DOCK2: variants seen among roughly 807,000 people sequenced by gnomAD.
The protein encoded by DOCK2 is dedicator of cytokinesis protein 2.
Under a neutral mutation model 248.9 loss-of-function variants are expected in DOCK2, and 87 were observed. The ratio of observed to expected loss-of-function variants is 0.35; its 90% CI spans 0.29 to 0.42. The LOEUF (loss-of-function observed/expected upper bound fraction) is 0.42. Among genes scored for constraint, DOCK2 ranks in the 10% least tolerant of loss-of-function variants. The pLI is 1.00. For missense variants in DOCK2, 1,747 were observed against 2,300.2 expected (o/e 0.76, Z 4.92); for synonymous variants, 805 against 821.6 (o/e 0.98, Z 0.35).
At chr5:169,710,121 A>G (rs893035970) in intron 15 of DOCK2, among the ~76,000 whole-genome samples, 7 of 152,202 alleles carry the variant, frequency 4.6e-5, no homozygotes, top group African/African-American at 1.7e-4. Context: ...AGGGACATAG[A>G]GTGACAGAAA....
rs763506803 is a variant in DOCK2, at chr5:169,670,583, A to T, written c.210A>T (p.Thr70=). Residue 70 remains threonine, a synonymous_variant, in exon 4 of 52, where the codon ACA becomes ACT. Coordinates refer to ENST00000520908, the MANE Select transcript of DOCK2 (RefSeq NM_004946.3). ...CATTTATCCACATCAAGGAAGTGAC[A>T]GTTGAGAAAAGAAGGTATTTGCCAT... ...PKSFIHIKEV[T]VEKRRNTENI... The T allele has an allele frequency of 1.2e-6, 2 of 1,613,978 alleles. No individual in the cohort carries two copies. Among genetic ancestry groups the T allele is most frequent in the East Asian group, 2.2e-5 (1 of 44,900 alleles).
At position 169,882,985 on chromosome 5, in the gene DOCK2, G is replaced by T. The variant is rs375307639; in HGVS notation, c.2799+42133G>T. 6,106 of 1,551,724 alleles carry T rather than the reference G, an allele frequency of 3.9e-3. 291 individuals carry two copies. The South Asian group carries it at 0.068, about 17-fold the overall frequency. ...TGAGGGGGAACTGTGAGTCCGTGGA[G>T]ATGAAGGAACACACGTTTCCTTTGA... On this transcript the variant is annotated intron_variant, in intron 27 of 51. Coordinates refer to ENST00000520908, the MANE Select transcript of DOCK2 (RefSeq NM_004946.3).
Position 169,695,896 on chromosome 5 carries a change from A to G in DOCK2, c.937A>G (p.Lys313Glu), listed in dbSNP as rs1003997383. 1 of 1,613,752 alleles carries G rather than the reference A, an allele frequency of 6.2e-7. No homozygotes were observed. Among genetic ancestry groups the G allele is most frequent in the Non-Finnish European group, 8.5e-7 (1 of 1,179,908 alleles). The change falls in exon 10 of 52, where the codon AAG (lysine) becomes GAG (glutamate). Residue 313 changes from lysine to glutamate, a missense_variant. Lys to Glu is a moderately conservative substitution (Grantham distance 56). This residue lies in a region of DOCK2 where 375 missense variants were observed against 510.9 expected (regional missense o/e 0.73). Coordinates refer to ENST00000520908, the MANE Select transcript of DOCK2 (RefSeq NM_004946.3). ...GATGGATCTTAAGGATACTGGTGCA[A>G]AGAAGTGCACGCAGGGACTGAGGAG... ...GKMDLKDTGA[K>E]KCTQGLRRPF...
chr5:169,789,576 T>C (rs28689611), intron 25 of DOCK2, among the ~76,000 whole-genome samples: 22,288 of 152,186 alleles, frequency 0.15, 2,486 homozygotes, highest in African/African-American at 0.31. Context: ...CTTTATTTCC[T>C]CCCATCTCAT....
At chr5:169,917,086 T>C (rs765271562) in intron 27 of DOCK2, among the ~76,000 whole-genome samples, 3 of 151,938 alleles carry the variant, frequency 2.0e-5, no homozygotes, top group Non-Finnish European at 4.4e-5. Flanking sequence ...GTCAGTGGAG[T>C]TGACGTATGA....
intron 29 of DOCK2, among the ~76,000 whole-genome samples, chr5:169,994,649 G>A (rs1778291121): frequency 6.6e-6 from 1 of 152,182 alleles, no homozygotes; most frequent in African/African-American, 2.4e-5. Flanking sequence ...GAGATGAGAA[G>A]GCAAGGGACA....
At chr5:169,967,496 G>C (rs1310452342) in intron 27 of DOCK2, among the ~76,000 whole-genome samples, 1 of 152,142 alleles carries the variant, frequency 6.6e-6, no homozygotes, top group Non-Finnish European at 1.5e-5. Flanking sequence ...AGTTTAAAGG[G>C]AAGAGTAGGA....
At chr5:169,931,894 C>A (rs923868528) in intron 27 of DOCK2, among the ~76,000 whole-genome samples, 3 of 152,192 alleles carry the variant, frequency 2.0e-5, no homozygotes, top group African/African-American at 7.2e-5. Flanking sequence ...CCTCTTTCTT[C>A]ACTGTGGGTC....
At chr5:169,637,668 G>A (rs1756903169) in intron 1 of DOCK2, among the ~76,000 whole-genome samples, 1 of 152,134 alleles carries the variant, frequency 6.6e-6, no homozygotes, top group Non-Finnish European at 1.5e-5. Flanking sequence ...CGCCAAACTC[G>A]GCGTCCCCAG....
intron 1 of DOCK2, among the ~76,000 whole-genome samples, chr5:169,641,480 A>G (rs1057508975): frequency 6.6e-6 from 1 of 152,218 alleles, no homozygotes; most frequent in African/African-American, 2.4e-5. Flanking sequence ...TGTCATTTGC[A>G]CATGGATTTT....
At chr5:169,685,363 G>A (rs946321741) in intron 8 of DOCK2, among the ~76,000 whole-genome samples, 3 of 152,142 alleles carry the variant, frequency 2.0e-5, no homozygotes, top group East Asian at 1.9e-4. Flanking sequence ...CTGCTCCTCC[G>A]GCTCCCACTG....
At chr5:169,650,117 T>C (rs1757717668) in intron 1 of DOCK2, among the ~76,000 whole-genome samples, 1 of 152,194 alleles carries the variant, frequency 6.6e-6, no homozygotes, top group Admixed American at 6.5e-5. Context: ...ATTTTGTCTG[T>C]CTTATCTATC....
chr5:169,727,833 C>T (rs181129998), intron 22 of DOCK2, among the ~76,000 whole-genome samples: 64 of 152,116 alleles, frequency 4.2e-4, no homozygotes, highest in Middle Eastern at 3.4e-3. Flanking sequence ...CTGCTTTTGG[C>T]GGTGGGGAGC....
Position 169,684,318 on chromosome 5 carries a change from T to C in DOCK2, c.729T>C (p.Ser243=). The change falls in exon 8 of 52, where the codon TCT becomes TCC. Residue 243 remains serine, a synonymous_variant. Coordinates refer to ENST00000520908, the MANE Select transcript of DOCK2 (RefSeq NM_004946.3). ...GGGAAGATGCTGAGCTCTTCATGTCTCTCTACGACCCCAACAAGCAAACGG... is the reference window on the plus strand; with the variant it reads ...GGGAAGATGCTGAGCTCTTCATGTCCCTCTACGACCCCAACAAGCAAACGG... ...RIGEDAELFM[S]LYDPNKQTVI... 1 of 1,614,172 alleles carries C rather than the reference T, an allele frequency of 6.2e-7. No homozygotes were observed. The highest frequency in any genetic ancestry group is 8.5e-7 in the Non-Finnish European group (1 of 1,180,002).
intron 10 of DOCK2, among the ~76,000 whole-genome samples, chr5:169,697,714 G>A (rs1760715188): frequency 6.6e-6 from 1 of 152,098 alleles, no homozygotes; most frequent in Non-Finnish European, 1.5e-5. Context: ...CCCAGTGCCT[G>A]GAGTGTTTGA....
chr5:169,728,440 T>G (rs996380894), intron 22 of DOCK2, among the ~76,000 whole-genome samples: 8 of 151,652 alleles, frequency 5.3e-5, no homozygotes, highest in Admixed American at 3.9e-4. Context: ...GAAAAAAGGG[T>G]CCCACTGAAA....
At chr5:169,790,547 G>C (rs1766271470) in intron 25 of DOCK2, among the ~76,000 whole-genome samples, 1 of 152,184 alleles carries the variant, frequency 6.6e-6, no homozygotes, top group African/African-American at 2.4e-5. Context: ...AGTGTAGTTT[G>C]TTTGAATGAT....
chr5:169,902,987 A>G (rs1023299424), intron 27 of DOCK2, among the ~76,000 whole-genome samples: 3 of 151,952 alleles, frequency 2.0e-5, no homozygotes, highest in Middle Eastern at 3.2e-3. Flanking sequence ...AGTCCCAGCT[A>G]CTCGGGAGGC....
At chr5:169,868,859 C>T (rs184751079) in intron 27 of DOCK2, among the ~76,000 whole-genome samples, 2 of 152,290 alleles carry the variant, frequency 1.3e-5, no homozygotes, top group Non-Finnish European at 2.9e-5. Context: ...GAAACTTTAT[C>T]TCACCATCAC....
Sources: gnomAD v4.1 joint callset for allele counts (sites outside exome capture counted in the v4.1 genomes callset) on GRCh38, gnomAD v4.1.1 for gene constraint, gnomAD v4.1.1 regional missense constraint, MANE v1.5 for transcripts, NCBI Gene and HGNC (gene_info 2026-07-23, HGNC 2026-07-21) for gene names.